The following ACACA variants were observed in gnomAD, a reference collection of about 807,000 sequenced individuals.
ACACA encodes acetyl-CoA carboxylase alpha.
A neutral mutation model predicts 296.1 loss-of-function variants in ACACA; 103 were observed. That is an observed-to-expected ratio of 0.35 (90% CI 0.30 to 0.41). The LOEUF (loss-of-function observed/expected upper bound fraction) is 0.41. Ranked by LOEUF, ACACA falls within the 10% of genes least tolerant of loss-of-function variation. The pLI is 1.00. For synonymous variants in ACACA, 953 were observed against 1,038.6 expected, an observed-to-expected ratio of 0.92 and a Z score of 1.58; for missense variants, 1,554 against 2,989.7, an observed-to-expected ratio of 0.52 and a Z score of 11.20.
At chr17:37,329,640 C>CAAA (rs34870931) in intron 3 of ACACA, among the ~76,000 whole-genome samples, 9 of 119,380 alleles carry the variant, frequency 7.5e-5, no homozygotes, top group Admixed American at 4.4e-4. Context: ...GACTCTATCT[C>CAAA]AAAAAAAAAA....
intron 2 of ACACA, among the ~76,000 whole-genome samples, chr17:37,334,064 G>A (rs999072863): frequency 3.3e-5 from 5 of 151,840 alleles, no homozygotes; most frequent in East Asian, 1.9e-4. Context: ...CTCACACTGC[G>A]CCTGGAGGCC....
At chr17:37,338,973 G>GAGGGAGGGGAAAGGGGAAA (rs1555651380) in intron 2 of ACACA, among the ~76,000 whole-genome samples, 1,616 of 148,240 alleles carry the variant, frequency 0.011, 34 homozygotes, top group African/African-American at 0.039. Context: ...AAAAGGCAGA[G>GAGGGAGGGGAAAGGGGAAA]AGGGAGGGAA....
chr17:37,314,240 C>T (rs147468025), intron 3 of ACACA, among the ~76,000 whole-genome samples: 3 of 151,804 alleles, frequency 2.0e-5, no homozygotes, highest in African/African-American at 7.3e-5. Context: ...GCTGGGACTA[C>T]AGGTGCCCGC....
chr17:37,266,212 G>C (rs556774182), intron 10 of ACACA, among the ~76,000 whole-genome samples: 1 of 151,972 alleles, frequency 6.6e-6, no homozygotes. Flanking sequence ...TCAGGAGTTC[G>C]AGACCAGCCT....
intron 31 of ACACA, 62 bp from the exon 32 acceptor site, chr17:37,206,941 A>C (rs1352603156): frequency 7.4e-7 from 1 of 1,350,070 alleles, no homozygotes; most frequent in African/African-American, 1.4e-5. Context: ...TAACACTGCC[A>C]TTGGCAGCTG....
intron 50 of ACACA, among the ~76,000 whole-genome samples, chr17:37,114,988 G>A (rs938927925): frequency 2.6e-5 from 4 of 152,212 alleles, no homozygotes; most frequent in Non-Finnish European, 4.4e-5. Context: ...AACTATCAGT[G>A]AGCACAGTTC....
intron 1 of ACACA, chr17:37,379,517 C>T: frequency 8.0e-7 from 1 of 1,254,220 alleles, no homozygotes; most frequent in Non-Finnish European, 1.1e-6. Flanking sequence ...TGTTTTTTTT[C>T]TTGTAAATTT....
intron 1 of ACACA, among the ~76,000 whole-genome samples, chr17:37,359,867 C>A (rs1597705086): frequency 6.6e-6 from 1 of 152,076 alleles, no homozygotes; most frequent in South Asian, 2.1e-4. Context: ...GTTATACATG[C>A]TGGATCCTGG....
chr17:37,294,654 A>C (rs1349768472), intron 3 of ACACA, among the ~76,000 whole-genome samples: 1 of 152,240 alleles, frequency 6.6e-6, no homozygotes, highest in Non-Finnish European at 1.5e-5. Flanking sequence ...CCACTTTCCC[A>C]TTCAACAGCA....
In ACACA at chr17:37,188,356, C is replaced by T. The variant is rs2077616993; in HGVS notation, c.4697G>A (p.Arg1566His). The change falls in exon 39 of 56, where the codon CGC (arginine) becomes CAC (histidine). Residue 1566 changes from arginine to histidine, a missense_variant. This residue lies in a region of ACACA where 553 missense variants were observed against 1,043.6 expected (regional missense o/e 0.53). Coordinates refer to ENST00000616317, the MANE Select transcript of ACACA (RefSeq NM_198834.3). ...GCCAGACTCGTTTGTCAGGAAGAGG[C>T]GGATGGGAATTGCTTTTCCAGTTGG... The part of the protein sequence containing the change: ...LTPTGKAIPI[R>H]LFLTNESGYY... The T allele has an allele frequency of 6.2e-7, 1 of 1,614,090 alleles. No individual in the cohort carries two copies. Among genetic ancestry groups the T allele is most frequent in the Non-Finnish European group, 8.5e-7 (1 of 1,180,012 alleles).
chr17:37,127,989 A>ACT (rs1234336463), intron 47 of ACACA, among the ~76,000 whole-genome samples: 1 of 128,464 alleles, frequency 7.8e-6, no homozygotes, highest in Admixed American at 9.3e-5. Flanking sequence ...ATGCCATTGT[A>ACT]CTCCAGCCTG....
intron 10 of ACACA, among the ~76,000 whole-genome samples, chr17:37,266,750 G>A (rs2081797672): frequency 6.6e-6 from 1 of 152,092 alleles, no homozygotes; most frequent in African/African-American, 2.4e-5. Flanking sequence ...TTTAGCATAA[G>A]CAACTAGAAG....
At chr17:37,141,285 C>T in intron 45 of ACACA, 3 of 546,544 alleles carry the variant, frequency 5.5e-6, no homozygotes, top group East Asian at 9.2e-5. Context: ...GGTGGCCCAA[C>T]TTGGTCATCC....
chr17:37,365,618 A>G (rs1258464944), intron 1 of ACACA: 15 of 985,318 alleles, frequency 1.5e-5, no homozygotes, highest in Non-Finnish European at 1.6e-5. Flanking sequence ...ATAAGACACA[A>G]AGTCCTTATC....
chr17:37,274,382 A>G (rs1238905329), intron 8 of ACACA, 83 bp from the exon 9 acceptor site: 2 of 1,316,616 alleles, frequency 1.5e-6, no homozygotes, highest in East Asian at 2.3e-5. Flanking sequence ...TTGAAATGCT[A>G]TCATATTTAC....
chr17:37,151,310 G>A lies in ACACA; in HGVS notation c.5559C>T (p.Thr1853=), dbSNP rs1384141700. 2.5e-6 allele frequency: 4 copies of A among 1,613,958 alleles called. No individual in the cohort carries two copies. Among genetic ancestry groups the A allele is most frequent in the Non-Finnish European group, 2.5e-6 (3 of 1,179,998 alleles). ...ESSLAYNEII[T]ISLVTCRAIG... is the part of the protein sequence containing the mutation. ...TTCTGGAAAGATTTACCAGGCTGAT[G>A]GTAATGATCTCATTATAGGCCAATG... is the stretch of plus-strand genomic sequence containing the variant. The change falls in exon 44 of 56, where the codon ACC becomes ACT. Residue 1853 remains threonine, a synonymous_variant. Transcript: ENST00000616317.
intron 1 of ACACA, among the ~76,000 whole-genome samples, chr17:37,369,856 C>T (rs565900962): frequency 1.3e-5 from 2 of 152,094 alleles, no homozygotes; most frequent in South Asian, 4.2e-4. Flanking sequence ...CAGGTGCGTA[C>T]CACCACACCC....
chr17:37,390,702 A>C (rs955459630), intron 1 of ACACA, among the ~76,000 whole-genome samples: 4 of 150,360 alleles, frequency 2.7e-5, no homozygotes, highest in African/African-American at 9.8e-5. Flanking sequence ...CTGAGGTGGG[A>C]GGATCACTTG....
At chr17:37,338,955 A>G (rs1477442157) in intron 2 of ACACA, among the ~76,000 whole-genome samples, 1 of 151,740 alleles carries the variant, frequency 6.6e-6, no homozygotes, top group African/African-American at 2.4e-5. Flanking sequence ...AAAAAAAAAA[A>G]GGAAGAAAAA....
Sources: gnomAD v4.1 joint callset for allele counts (sites outside exome capture counted in the v4.1 genomes callset) on GRCh38, gnomAD v4.1.1 for gene constraint, gnomAD v4.1.1 regional missense constraint, MANE v1.5 for transcripts, NCBI Gene and HGNC (gene_info 2026-07-23, HGNC 2026-07-21) for gene names.